ARHGAP40: variants seen among roughly 807,000 people sequenced by gnomAD.
The protein encoded by ARHGAP40 is rho GTPase-activating protein 40.
ARHGAP40 carries 43 observed loss-of-function variants against 73.5 expected under a neutral mutation model. That is an observed-to-expected ratio of 0.58 (90% CI 0.46 to 0.75). The LOEUF (loss-of-function observed/expected upper bound fraction) is 0.75, where lower values mean the gene tolerates loss of function less well. Ranked by LOEUF, ARHGAP40 falls within the 30% of genes least tolerant of loss-of-function variation. The pLI is 0.00. For synonymous variants in ARHGAP40, 300 were observed against 352.8 expected (o/e 0.85, Z 1.68); for missense variants, 734 against 861.8 (o/e 0.85, Z 1.86).
chr20:38,650,502 T>A (rs2145618830), exon 15 of ARHGAP40: 1 of 469,390 alleles, frequency 2.1e-6, no homozygotes, highest in East Asian at 7.0e-5. Flanking sequence ...ATTGTAGCCA[T>A]GACCAGCCCC....
At chr20:38,601,816 C>A in exon 1 of ARHGAP40, 1 of 1,151,496 alleles carries the variant, frequency 8.7e-7, no homozygotes, top group Non-Finnish European at 1.1e-6. Flanking sequence ...ATTAGTCCTG[C>A]ATGAGGGTGT....
In ARHGAP40 at chr20:38,623,715, C is replaced by T. The variant is rs565903781; in HGVS notation, c.337+157C>T. ...TCTTCACTGCTCTCCCTGCTTCACC[C>T]GTGATCCTTACTGTCTGTTCTCCAT... On this transcript the variant is annotated intron_variant, in intron 2 of 14. Transcript: ENST00000373345. Among the ~76,000 whole-genome samples the T allele has an allele frequency of 4.6e-5, 7 of 152,324 alleles. No individual in the cohort carries two copies. In the South Asian group the frequency reaches 1.2e-3, roughly 27 times the overall value.
At chr20:38,637,682 T>G (rs916941764) in intron 6 of ARHGAP40, 26 bp from the exon 7 acceptor site, 1 of 1,302,552 alleles carries the variant, frequency 7.7e-7, no homozygotes, top group African/African-American at 1.5e-5. Context: ...AAGTGAAATG[T>G]GCCTCTGCTC....
rs200460744 is a variant in ARHGAP40 at position 38,639,318 on chromosome 20, G to C, written c.1211G>C (p.Arg404Thr). ...AATGACGCCTCTGATTTGCTCAAAA[G>C]GTTCATCCGGAAGCTGCCGACACCT... Residue 404 changes from arginine (R) to threonine (T), a missense_variant, in exon 9 of 15, where the codon AGG becomes ACG. Coordinates refer to ENST00000373345, the Ensembl canonical transcript of ARHGAP40. 52 of 1,305,398 alleles carry C rather than the reference G, an allele frequency of 4.0e-5. No individual in the cohort carries two copies. The highest frequency in any genetic ancestry group is 2.1e-4 in the Middle Eastern group (1 of 4,720). 80.9% of individuals were successfully genotyped at this position (1,305,398 alleles called of 1,614,324 possible).
At chr20:38,627,257 A>G (rs532750922) in intron 3 of ARHGAP40, 42 bp downstream of exon 3, 92 of 1,292,572 alleles carry the variant, frequency 7.1e-5, no homozygotes, top group Non-Finnish European at 8.3e-5. Flanking sequence ...TCTGACTGGG[A>G]TCTCTGTGCT....
chr20:38,627,640 T>TGGGGGTGTGTTGGTGTGG, intron 3 of ARHGAP40, among the ~76,000 whole-genome samples: 1 of 133,972 alleles, frequency 7.5e-6, no homozygotes, highest in African/African-American at 2.8e-5. Flanking sequence ...TTGGGGTGTG[T>TGGGGGTGTGTTGGTGTGG]GTGGGGTGTG....
At chr20:38,614,831 C>T in intron 1 of ARHGAP40, 2 of 775,260 alleles carry the variant, frequency 2.6e-6, no homozygotes, top group Non-Finnish European at 4.5e-6. Context: ...TCAAAAGTGT[C>T]TCTAGAGCTC....
intron 1 of ARHGAP40, among the ~76,000 whole-genome samples, chr20:38,622,208 G>T (rs993992845): frequency 2.0e-5 from 3 of 151,974 alleles, no homozygotes; most frequent in African/African-American, 7.3e-5. Flanking sequence ...ATGTTTATTG[G>T]TTTTCTTTGC....
Position 38,611,584 on chromosome 20 carries a change from AT to A in ARHGAP40, c.137+9516del, listed in dbSNP as rs1213547505. Among the ~76,000 whole-genome samples the A allele has an allele frequency of 1.1e-3, 164 of 146,632 alleles. 1 individual carries two copies. Among genetic ancestry groups the A allele is most frequent in the Middle Eastern group, 3.5e-3 (1 of 284 alleles). The stretch of plus-strand genomic sequence containing the variant: ...AGTTATGCACAACCACACTTGGCTA[AT>A]TTTTTTTTTTCAGACGGAGTCTTGC... On this transcript the variant is annotated intron_variant, in intron 1 of 14. Coordinates refer to ENST00000373345, the Ensembl canonical transcript of ARHGAP40.
In ARHGAP40 at chr20:38,645,149, C is replaced by CTT. The variant is rs202158541; in HGVS notation, c.1570-887_1570-886dup. On this transcript the variant is annotated intron_variant, in intron 11 of 14. Transcript: ENST00000373345. Reference sequence around the variant, plus strand: ...TTTACTCTGCCTGGAATTCCCTTCCCTTTTTTTTTTTTCTAAGGGCAGAAG... The same window carrying CTT: ...TTTACTCTGCCTGGAATTCCCTTCCCTTTTTTTTTTTTTTCTAAGGGCAGAAG... Among the ~76,000 whole-genome samples, 168 of 147,726 alleles carry CTT rather than the reference C, an allele frequency of 1.1e-3. 1 individual carries two copies. Among genetic ancestry groups the CTT allele is most frequent in the Non-Finnish European group, 1.7e-3 (114 of 66,726 alleles).
chr20:38,603,741 G>C (rs772131166), intron 1 of ARHGAP40, among the ~76,000 whole-genome samples: 5 of 152,196 alleles, frequency 3.3e-5, no homozygotes, highest in Admixed American at 6.5e-5. Flanking sequence ...GGTGCATTCT[G>C]TCTGGGGGCT....
Position 38,643,145 on chromosome 20 carries a change from C to CAAA in ARHGAP40, c.1363-548_1363-546dup, listed in dbSNP as rs61492761. Among the ~76,000 whole-genome samples, 36 of 133,446 alleles carry CAAA rather than the reference C, an allele frequency of 2.7e-4. 1 individual carries two copies. The highest frequency in any genetic ancestry group is 9.4e-4 in the African/African-American group (33 of 35,158). 87.5% of individuals were successfully genotyped at this position (133,446 alleles called of 152,430 possible). A position where few individuals can be genotyped will look rare whatever the true frequency, so the allele number is the denominator to read the frequency against. ...TGGGAGACAGAGTGAGACTCTGACT[C>CAAA]AAAAAAAAAAAAACAAAAAACAAAC... On this transcript the variant is annotated intron_variant, in intron 10 of 14. Coordinates refer to ENST00000373345, the Ensembl canonical transcript of ARHGAP40.
chr20:38,629,773 A>T lies in ARHGAP40; in HGVS notation c.783+123A>T, dbSNP rs1568608412. 4.7e-6 allele frequency: 5 copies of T among 1,071,638 alleles called. No individual in the cohort carries two copies. The African/African-American group carries it at 8.3e-5, about 18-fold the overall frequency. The allele number at this position is 1,071,638 out of a possible 1,614,324, so 66.4% of individuals were successfully genotyped here. A position where few individuals can be genotyped will look rare whatever the true frequency, so the allele number is the denominator to read the frequency against. On this transcript the variant is annotated intron_variant, in intron 5 of 14. Transcript: ENST00000373345. ...ACAAAAGTTGTTAATTCATTCATTC[A>T]TTTAATTCGTACCACAAATATTTAC...
rs578261280 is a variant in ARHGAP40, at chr20:38,623,213, C to T, written c.138-146C>T. The T allele has an allele frequency of 6.6e-5, 34 of 518,646 alleles. No homozygotes were observed. The South Asian group carries it at 6.6e-4, about 10-fold the overall frequency. The allele number at this position is 518,646 out of a possible 1,614,324, so 32.1% of individuals were successfully genotyped here. A position where few individuals can be genotyped will look rare whatever the true frequency, so the allele number is the denominator to read the frequency against. ...GGGTGATGGGTCACCAGTCAATTTGCTGAGATCACCCTGAGAAACATGCCT... is the reference window on the plus strand; with the variant it reads ...GGGTGATGGGTCACCAGTCAATTTGTTGAGATCACCCTGAGAAACATGCCT... On this transcript the variant is annotated intron_variant, in intron 1 of 14. Coordinates refer to ENST00000373345, the Ensembl canonical transcript of ARHGAP40.
exon 1 of ARHGAP40, chr20:38,601,999 C>T (rs968834436): frequency 1.0e-5 from 13 of 1,287,636 alleles, no homozygotes; most frequent in Non-Finnish European, 1.2e-5. Flanking sequence ...CCCCAGGGCC[C>T]CTAGCCTCAC....
At chr20:38,648,118 C>G (rs1371742750) in intron 13 of ARHGAP40, among the ~76,000 whole-genome samples, 1 of 152,200 alleles carries the variant, frequency 6.6e-6, no homozygotes, top group Non-Finnish European at 1.5e-5. Flanking sequence ...CCTCCTTGAA[C>G]AGATGGGAGC....
exon 3 of ARHGAP40, chr20:38,627,069 G>A: frequency 7.7e-7 from 1 of 1,305,396 alleles, no homozygotes; most frequent in Non-Finnish European, 1.0e-6. Context: ...CTTGGATGGT[G>A]ATCACCAGGA....
At chr20:38,638,594 T>C (rs928108613) in intron 7 of ARHGAP40, among the ~76,000 whole-genome samples, 167 bp from the exon 8 acceptor site, 1 of 152,224 alleles carries the variant, frequency 6.6e-6, no homozygotes, top group Admixed American at 6.5e-5. Context: ...TATGAAGCTC[T>C]CAGAATGCTG....
rs377562499 is a variant in ARHGAP40, at chr20:38,615,914, T to G, written c.138-7445T>G. On this transcript the variant is annotated intron_variant, in intron 1 of 14. Coordinates refer to ENST00000373345, the Ensembl canonical transcript of ARHGAP40. ...TGGCTGGGGATTAGTTGCTCTACCC[T>G]AGGCTCTGCTGGGCAGCTCCATTTC... Among the ~76,000 whole-genome samples, 5 of 152,320 alleles carry G rather than the reference T, an allele frequency of 3.3e-5. No individual in the cohort carries two copies. In the South Asian group the frequency reaches 8.3e-4, roughly 25 times the overall value.
Sources: allele counts gnomAD v4.1 joint callset (sites outside exome capture counted in the v4.1 genomes callset), GRCh38; gene constraint gnomAD v4.1.1; transcripts MANE v1.5; gene names NCBI Gene and HGNC (gene_info 2026-07-23, HGNC 2026-07-21).